The following MYH10 variants were observed in gnomAD, a reference collection of about 807,000 sequenced individuals.
The protein encoded by MYH10 is myosin heavy chain 10.
A neutral mutation model predicts 257.8 loss-of-function variants in MYH10; 55 were observed. The ratio of observed to expected loss-of-function variants is 0.21; its 90% CI spans 0.17 to 0.27. The LOEUF (loss-of-function observed/expected upper bound fraction) is 0.27. Ranked by LOEUF, MYH10 falls within the 10% of genes least tolerant of loss-of-function variation. The probability of loss-of-function intolerance (pLI) is 1.00; values close to 1 mark genes in which losing one functional copy is unlikely to be tolerated. For missense variants in MYH10, 1,631 were observed against 2,500.6 expected (o/e 0.65, Z 7.42); for synonymous variants, 854 against 921.7 (o/e 0.93, Z 1.33).
intron 7 of MYH10, among the ~76,000 whole-genome samples, chr17:8,564,763 T>C (rs2083111475): frequency 6.6e-6 from 1 of 152,192 alleles, no homozygotes; most frequent in African/African-American, 2.4e-5. Context: ...AAGTCCCTAC[T>C]GACAAAGATC....
At chr17:8,485,604 A>C (rs1371107396) in intron 36 of MYH10, among the ~76,000 whole-genome samples, 1 of 152,218 alleles carries the variant, frequency 6.6e-6, no homozygotes, top group African/African-American at 2.4e-5. Context: ...TAGTCATTAG[A>C]GAAATAAAAA....
chr17:8,522,835 C>T (rs1401235239), intron 17 of MYH10, among the ~76,000 whole-genome samples: 3 of 152,172 alleles, frequency 2.0e-5, no homozygotes, highest in Non-Finnish European at 4.4e-5. Context: ...AATGAATAGA[C>T]ACCACCCAGT....
chr17:8,479,231 T>TG (rs1597588482), intron 40 of MYH10, among the ~76,000 whole-genome samples: 2 of 147,594 alleles, frequency 1.4e-5, no homozygotes, highest in South Asian at 2.2e-4. Context: ...CAGCTCACAT[T>TG]GAAAAAAAAC....
intron 2 of MYH10, among the ~76,000 whole-genome samples, chr17:8,617,252 G>T (rs915972588): frequency 6.6e-6 from 1 of 152,112 alleles, no homozygotes; most frequent in African/African-American, 2.4e-5. Context: ...TATGCCCTAG[G>T]TTCTCTCCCC....
intron 6 of MYH10, among the ~76,000 whole-genome samples, chr17:8,571,992 A>G (rs1437962368): frequency 1.3e-5 from 2 of 151,906 alleles, no homozygotes; most frequent in African/African-American, 4.8e-5. Context: ...AAACACTGGC[A>G]TTCTAGTAAG....
intron 2 of MYH10, among the ~76,000 whole-genome samples, chr17:8,617,788 A>G (rs899332759): frequency 6.6e-6 from 1 of 152,238 alleles, no homozygotes; most frequent in Non-Finnish European, 1.5e-5. Flanking sequence ...ACTATATTCC[A>G]ACAAAAATGA....
chr17:8,628,956 A>AC (rs2152117215), intron 1 of MYH10, among the ~76,000 whole-genome samples: 1 of 152,314 alleles, frequency 6.6e-6, no homozygotes, highest in African/African-American at 2.4e-5. Flanking sequence ...GCTATATCGC[A>AC]CAATTACACC....
intron 27 of MYH10, among the ~76,000 whole-genome samples, chr17:8,505,624 T>G (rs1038053246): frequency 6.6e-6 from 1 of 152,256 alleles, no homozygotes; most frequent in African/African-American, 2.4e-5. Flanking sequence ...TAGAACTGAT[T>G]ATTGAATCAT....
At chr17:8,524,057 G>A (rs1038603658) in intron 17 of MYH10, among the ~76,000 whole-genome samples, 3 of 152,070 alleles carry the variant, frequency 2.0e-5, no homozygotes, top group African/African-American at 7.2e-5. Flanking sequence ...AGGTAAATTT[G>A]GGAGTTGTCA....
At position 8,481,315 on chromosome 17, in the gene MYH10, G is replaced by C. The variant is rs1437993315; in HGVS notation, c.5264+7C>G. On this transcript the variant is annotated splice_region_variant and intron_variant, in intron 38 of 42. Transcript: ENST00000360416. ...GAAGAACCCACCCCCGGCCGTGGGA[G>C]ACTCACTTGCCAGAGGCGCTGTTGG... 1 of 1,613,538 alleles carries C rather than the reference G, an allele frequency of 6.2e-7. No individual in the cohort carries two copies. The highest frequency in any genetic ancestry group is 8.5e-7 in the Non-Finnish European group (1 of 1,179,930).
chr17:8,500,334 C>T (rs1462101009), intron 29 of MYH10, among the ~76,000 whole-genome samples: 4 of 152,122 alleles, frequency 2.6e-5, no homozygotes, highest in Non-Finnish European at 5.9e-5. Context: ...AACGGAAAGC[C>T]TGTGTCTGAG....
intron 26 of MYH10, among the ~76,000 whole-genome samples, chr17:8,507,897 G>A (rs1043015872): frequency 3.9e-5 from 6 of 152,090 alleles, no homozygotes; most frequent in African/African-American, 9.7e-5. Context: ...GCTTGAACGC[G>A]GGAGATGGAG....
rs1435406365 is a variant in MYH10, at chr17:8,535,959, C to G, written c.1606-28G>C. 6.3e-7 allele frequency: 1 copy of G among 1,599,646 alleles called. No individual in the cohort carries two copies. Among genetic ancestry groups the G allele is most frequent in the African/African-American group, 1.3e-5 (1 of 74,366 alleles). Reference sequence around the variant, plus strand: ...GATAATGACAGGCAATAAGAATTCACAAGTTTTGCATGCCACTTTAATACT... The same window carrying G: ...GATAATGACAGGCAATAAGAATTCAGAAGTTTTGCATGCCACTTTAATACT... On this transcript the variant is annotated intron_variant, in intron 14 of 42. Coordinates refer to ENST00000360416, the MANE Select transcript of MYH10 (RefSeq NM_001256012.3). This position sits in a 1 kb window ranked among gnomAD's most constrained non-coding sequence, Gnocchi z 4.3.
intron 11 of MYH10, among the ~76,000 whole-genome samples, chr17:8,547,446 G>A (rs140627932): frequency 5.3e-5 from 8 of 152,130 alleles, no homozygotes; most frequent in African/African-American, 1.9e-4. Context: ...AGGTGCCACA[G>A]CTTGGCCAGA....
At chr17:8,529,227 C>G (rs1445315402) in intron 17 of MYH10, among the ~76,000 whole-genome samples, 1 of 152,206 alleles carries the variant, frequency 6.6e-6, no homozygotes, top group Admixed American at 6.5e-5. Context: ...TCGCCACCCC[C>G]TATCCATCCA....
In MYH10 at chr17:8,513,649, C is replaced by A; in HGVS notation, c.2634G>T (p.Val878=). ...VFTKVKPLLQ[V]TRQEEELQAK... ...CCTGAAGTTCTTCCTCCTGGCGAGT[C>A]ACTTGTAGAAGCGGCTTCACCTATG... The change falls in exon 23 of 43, where the codon GTG becomes GTT. Residue 878 remains valine, a synonymous_variant. Coordinates refer to ENST00000360416, the MANE Select transcript of MYH10 (RefSeq NM_001256012.3). 1 of 1,613,948 alleles carries A rather than the reference C, an allele frequency of 6.2e-7. No homozygotes were observed. Among genetic ancestry groups the A allele is most frequent in the South Asian group, 1.1e-5 (1 of 91,066 alleles).
At chr17:8,485,746 A>G (rs2151795927) in intron 36 of MYH10, among the ~76,000 whole-genome samples, 1 of 152,368 alleles carries the variant, frequency 6.6e-6, no homozygotes, top group South Asian at 2.1e-4. Context: ...GTAAAACTGC[A>G]GTGACTGTGG....
chr17:8,600,931 A>T (rs2084566629), intron 3 of MYH10, among the ~76,000 whole-genome samples: 1 of 152,218 alleles, frequency 6.6e-6, no homozygotes, highest in South Asian at 2.1e-4. Context: ...GATACTAAAC[A>T]TACAGAAAGT....
At chr17:8,582,888 G>A (rs781141358) in intron 4 of MYH10, among the ~76,000 whole-genome samples, 1 of 152,152 alleles carries the variant, frequency 6.6e-6, no homozygotes, top group Admixed American at 6.5e-5. Flanking sequence ...ACTGAATTCA[G>A]CCTAGCTTCA....
Sources: allele counts gnomAD v4.1 joint callset (sites outside exome capture counted in the v4.1 genomes callset), GRCh38; gene constraint gnomAD v4.1.1; non-coding constraint Gnocchi (gnomAD v3.1); transcripts MANE v1.5; gene names NCBI Gene and HGNC (gene_info 2026-07-23, HGNC 2026-07-21).